PHF21A: variants seen among roughly 807,000 people sequenced by gnomAD.
PHF21A encodes PHD finger protein 21A, also known as BHC80a.
In PHF21A, 11 loss-of-function variants were observed where a neutral mutation model predicts 82.5. The observed-to-expected ratio is 0.13, with a 90% CI of 0.08 to 0.22. The LOEUF (loss-of-function observed/expected upper bound fraction) is 0.22. Ranked by LOEUF, PHF21A falls within the 10% of genes least tolerant of loss-of-function variation. The pLI, the probability that PHF21A is intolerant of heterozygous loss-of-function variation, is 1.00. For synonymous variants in PHF21A, 297 were observed against 302.8 expected, an observed-to-expected ratio of 0.98 and a Z score of 0.20; for missense variants, 579 against 837.8, an observed-to-expected ratio of 0.69 and a Z score of 3.81.
intron 6 of PHF21A, among the ~76,000 whole-genome samples, chr11:46,002,920 A>G (rs1005886095): frequency 2.6e-5 from 4 of 152,232 alleles, no homozygotes; most frequent in Non-Finnish European, 4.4e-5. Context: ...CTTTTTACTT[A>G]AAACACAGCT....
chr11:46,031,547 T>G (rs918506601), intron 6 of PHF21A, among the ~76,000 whole-genome samples: 1 of 152,184 alleles, frequency 6.6e-6, no homozygotes, highest in African/African-American at 2.4e-5. Context: ...ACCTAGTAGT[T>G]CATGCAGCCG....
At chr11:46,039,028 G>A (rs574873209) in intron 6 of PHF21A, among the ~76,000 whole-genome samples, 1 of 152,234 alleles carries the variant, frequency 6.6e-6, no homozygotes, top group South Asian at 2.1e-4. Flanking sequence ...ACAGCAAGGA[G>A]CCCAAAATTA....
intron 6 of PHF21A, among the ~76,000 whole-genome samples, chr11:46,054,112 T>C (rs1325602324): frequency 9.2e-5 from 14 of 152,198 alleles, no homozygotes; most frequent in Non-Finnish European, 1.9e-4. Flanking sequence ...TTGAGGCTTC[T>C]CACCCACCAA....
intron 6 of PHF21A, among the ~76,000 whole-genome samples, chr11:46,052,503 T>C (rs985007356): frequency 6.6e-6 from 1 of 151,958 alleles, no homozygotes; most frequent in Non-Finnish European, 1.5e-5. Flanking sequence ...TCACTGCCTA[T>C]CAGTTTTCTG....
chr11:46,101,161 T>C (rs994364214), intron 1 of PHF21A, among the ~76,000 whole-genome samples: 4 of 152,140 alleles, frequency 2.6e-5, no homozygotes, highest in Admixed American at 6.5e-5. Flanking sequence ...AAACTAATAA[T>C]CTCAGAACTT....
At chr11:46,071,001 A>T (rs908085287) in intron 6 of PHF21A, among the ~76,000 whole-genome samples, 1 of 151,904 alleles carries the variant, frequency 6.6e-6, no homozygotes, top group Non-Finnish European at 1.5e-5. Context: ...ATGGTTAAAA[A>T]TTTTTTTTGA....
chr11:46,077,592 T>C (rs1026657060), intron 5 of PHF21A, among the ~76,000 whole-genome samples: 6 of 152,226 alleles, frequency 3.9e-5, no homozygotes, highest in African/African-American at 1.4e-4. Flanking sequence ...TTTACCCTGC[T>C]TGGTCTTCTG....
intron 10 of PHF21A, among the ~76,000 whole-genome samples, chr11:45,957,816 GAAC>G (rs1434063783): frequency 5.5e-5 from 7 of 127,424 alleles, no homozygotes; most frequent in African/African-American, 2.0e-4. Flanking sequence ...AAATAGAGAA[GAAC>G]AACAGACTCA....
chr11:45,941,752 G>A (rs2090387445), intron 15 of PHF21A, among the ~76,000 whole-genome samples: 1 of 152,236 alleles, frequency 6.6e-6, no homozygotes, highest in South Asian at 2.1e-4. Context: ...CAGACGGTAG[G>A]TAAGTTGAAA....
chr11:46,025,366 G>C (rs991326668), intron 6 of PHF21A, among the ~76,000 whole-genome samples: 4 of 152,084 alleles, frequency 2.6e-5, no homozygotes, highest in African/African-American at 9.7e-5. Context: ...TTGGTTTTTA[G>C]GTCAAATTCA....
chr11:46,102,901 A>C (rs1342332617), intron 1 of PHF21A, among the ~76,000 whole-genome samples: 1 of 152,210 alleles, frequency 6.6e-6, no homozygotes, highest in African/African-American at 2.4e-5. Flanking sequence ...TTTGTTTTTA[A>C]GAGAAATAGA....
chr11:46,081,545 TA>T (rs955802986), intron 4 of PHF21A, among the ~76,000 whole-genome samples: 8 of 152,176 alleles, frequency 5.3e-5, no homozygotes, highest in Non-Finnish European at 1.0e-4. Flanking sequence ...AGGAAATAAA[TA>T]AGCCAATTTT....
intron 1 of PHF21A, among the ~76,000 whole-genome samples, chr11:46,104,570 CTT>C (rs1429334059): frequency 6.6e-6 from 1 of 152,172 alleles, no homozygotes; most frequent in Non-Finnish European, 1.5e-5. Flanking sequence ...CATCTATACT[CTT>C]TCTCACCACG....
intron 6 of PHF21A, among the ~76,000 whole-genome samples, chr11:46,072,845 C>T (rs1342873437): frequency 1.3e-5 from 2 of 152,098 alleles, no homozygotes; most frequent in African/African-American, 2.4e-5. Flanking sequence ...CCCTGAAGCA[C>T]CACAGTAACA....
intron 6 of PHF21A, among the ~76,000 whole-genome samples, chr11:45,983,136 C>T (rs748037205): frequency 6.6e-5 from 10 of 152,076 alleles, no homozygotes; most frequent in Non-Finnish European, 1.5e-4. Context: ...AGCAAGGTGA[C>T]GACCAATCAG....
chr11:45,952,788 G>A (rs1591157661), intron 11 of PHF21A, among the ~76,000 whole-genome samples: 1 of 152,158 alleles, frequency 6.6e-6, no homozygotes, highest in East Asian at 1.9e-4. Flanking sequence ...AAGGATAGGG[G>A]CAAGAGAATT....
chr11:46,076,480 G>T (rs535274992), intron 6 of PHF21A, among the ~76,000 whole-genome samples: 6 of 152,136 alleles, frequency 3.9e-5, no homozygotes, highest in African/African-American at 1.4e-4. Context: ...TCCCCTATAG[G>T]TAAACTATAG....
chr11:45,998,764 G>A (rs2095005412), intron 6 of PHF21A, among the ~76,000 whole-genome samples: 1 of 151,370 alleles, frequency 6.6e-6, no homozygotes, highest in African/African-American at 2.4e-5. Flanking sequence ...CACCTACCTC[G>A]GCTTCCCAAA....
At chr11:45,972,411 G>A (rs2093812808) in intron 7 of PHF21A, among the ~76,000 whole-genome samples, 1 of 152,154 alleles carries the variant, frequency 6.6e-6, no homozygotes, top group Non-Finnish European at 1.5e-5. Context: ...TTCTGATTTT[G>A]ATACTACTCC....
Sources: allele counts gnomAD v4.1 joint callset (sites outside exome capture counted in the v4.1 genomes callset), GRCh38; gene constraint gnomAD v4.1.1; transcripts MANE v1.5; gene names NCBI Gene and HGNC (gene_info 2026-07-23, HGNC 2026-07-21).